ST3GAL3: variants seen among roughly 807,000 people sequenced by gnomAD.
ST3GAL3 encodes CMP-N-acetylneuraminate-beta-1,4-galactoside alpha-2,3-sialyltransferase.
A neutral mutation model predicts 50.1 loss-of-function variants in ST3GAL3; 21 were observed. The observed-to-expected ratio is 0.42, with a 90% CI of 0.30 to 0.60. The LOEUF is 0.60. Ranked by LOEUF, ST3GAL3 falls within the 20% of genes least tolerant of loss-of-function variation. The pLI, the probability that ST3GAL3 is intolerant of heterozygous loss-of-function variation, is 0.19. For synonymous variants in ST3GAL3, 183 were observed against 190.0 expected, an observed-to-expected ratio of 0.96 and a Z score of 0.30; for missense variants, 353 against 489.4, an observed-to-expected ratio of 0.72 and a Z score of 2.63.
At chr1:43,892,864 T>C (rs993571747) in intron 5 of ST3GAL3, among the ~76,000 whole-genome samples, 42 of 152,352 alleles carry the variant, frequency 2.8e-4, no homozygotes, top group African/African-American at 1.0e-3. Context: ...TGCTTTGATA[T>C]TACACATAGA....
chr1:43,716,622 A>G (rs760263157), intron 1 of ST3GAL3: 57 of 152,194 alleles, frequency 3.7e-4, no homozygotes, highest in Admixed American at 1.3e-4. Flanking sequence ...CATGAACCGT[A>G]CTACATTAGG....
chr1:43,835,998 A>T (rs1466186200), intron 4 of ST3GAL3, among the ~76,000 whole-genome samples: 1 of 152,136 alleles, frequency 6.6e-6, no homozygotes, highest in Non-Finnish European at 1.5e-5. Context: ...CCCTGTTAAG[A>T]GTTCCTCCAC....
In ST3GAL3 at chr1:43,899,426, G is replaced by C; in HGVS notation, c.558-115G>C. ...GAACAGACAACTAGCGGGGGCACCTGGGGAGAATAGGTCCAGGTGACCTGG... is the reference window on the plus strand; with the variant it reads ...GAACAGACAACTAGCGGGGGCACCTCGGGAGAATAGGTCCAGGTGACCTGG... On this transcript the variant is annotated intron_variant, in intron 8 of 11. Coordinates refer to ENST00000347631, the MANE Select transcript of ST3GAL3 (RefSeq NM_006279.5). This position sits in a 1 kb window ranked among gnomAD's most constrained non-coding sequence, Gnocchi z 5.4. 1.3e-6 allele frequency: 2 copies of C among 1,572,448 alleles called. No individual in the cohort carries two copies. The highest frequency in any genetic ancestry group is 1.7e-6 in the Non-Finnish European group (2 of 1,157,042).
intron 2 of ST3GAL3, among the ~76,000 whole-genome samples, chr1:43,775,701 T>G (rs1402771772): frequency 6.6e-6 from 1 of 152,120 alleles, no homozygotes; most frequent in African/African-American, 2.4e-5. Context: ...ATTCAAAGAT[T>G]AAGGAAGTTC....
At chr1:43,897,776 G>T (rs922585742) in intron 6 of ST3GAL3, among the ~76,000 whole-genome samples, 1 of 152,248 alleles carries the variant, frequency 6.6e-6, no homozygotes, top group African/African-American at 2.4e-5. Context: ...GAGCTCTTCA[G>T]TTGCTGGGTG....
At chr1:43,774,825 T>G (rs1696568497) in intron 2 of ST3GAL3, among the ~76,000 whole-genome samples, 1 of 152,174 alleles carries the variant, frequency 6.6e-6, no homozygotes, top group Admixed American at 6.5e-5. Context: ...TCAGGTACTG[T>G]GCCAAGTGAA....
chr1:43,927,891 G>A (rs1383030397), intron 11 of ST3GAL3, among the ~76,000 whole-genome samples: 2 of 152,190 alleles, frequency 1.3e-5, no homozygotes, highest in African/African-American at 4.8e-5. Flanking sequence ...TGTGGAGTGT[G>A]GAATGTGAGG....
chr1:43,799,157 C>T (rs2059039826), intron 3 of ST3GAL3, among the ~76,000 whole-genome samples: 1 of 152,174 alleles, frequency 6.6e-6, no homozygotes. Flanking sequence ...GGAAAATAGT[C>T]ACCAAAATAT....
At chr1:43,808,003 A>T (rs2060099725) in intron 3 of ST3GAL3, among the ~76,000 whole-genome samples, 1 of 152,072 alleles carries the variant, frequency 6.6e-6, no homozygotes, top group Non-Finnish European at 1.5e-5. Context: ...AAGCAGCTGG[A>T]TATACACATG....
At chr1:43,755,875 G>A (rs1572200358) in intron 2 of ST3GAL3, among the ~76,000 whole-genome samples, 1 of 151,962 alleles carries the variant, frequency 6.6e-6, no homozygotes, top group Admixed American at 6.6e-5. Flanking sequence ...AAGTTGGGAG[G>A]ATCACTTCTA....
chr1:43,717,721 T>C (rs1234302378), intron 1 of ST3GAL3, among the ~76,000 whole-genome samples: 1 of 152,032 alleles, frequency 6.6e-6, no homozygotes, highest in Admixed American at 6.6e-5. Context: ...TTGCCCAGGC[T>C]GGTCTCAAAC....
chr1:43,813,177 C>G (rs912465976), intron 3 of ST3GAL3, among the ~76,000 whole-genome samples: 21 of 152,244 alleles, frequency 1.4e-4, no homozygotes, highest in African/African-American at 4.3e-4. Context: ...AGGAATCCGC[C>G]TAAGTATGGA....
chr1:43,764,563 A>C (rs1386784960), intron 2 of ST3GAL3, among the ~76,000 whole-genome samples: 1 of 152,198 alleles, frequency 6.6e-6, no homozygotes, highest in Non-Finnish European at 1.5e-5. Context: ...ATGAGGAAGA[A>C]GGGAAAAGAA....
chr1:43,751,595 A>G (rs1194193487), intron 2 of ST3GAL3, among the ~76,000 whole-genome samples: 1 of 152,234 alleles, frequency 6.6e-6, no homozygotes, highest in Non-Finnish European at 1.5e-5. Context: ...TTTCACTTAC[A>G]TACACACAGA....
intron 1 of ST3GAL3, among the ~76,000 whole-genome samples, chr1:43,726,670 C>G (rs991517920): frequency 6.6e-6 from 1 of 152,256 alleles, no homozygotes; most frequent in Non-Finnish European, 1.5e-5. Context: ...TCTTGGCTCA[C>G]TGCAGCCTCC....
At chr1:43,886,890 C>T (rs755891422) in intron 5 of ST3GAL3, among the ~76,000 whole-genome samples, 5 of 152,054 alleles carry the variant, frequency 3.3e-5, no homozygotes, top group Non-Finnish European at 7.3e-5. Flanking sequence ...GAGACCTGAG[C>T]CTTATTGTGT....
chr1:43,751,489 A>AGATACTCTGCCATTTGACAGATCTC (rs1686051901), intron 2 of ST3GAL3, among the ~76,000 whole-genome samples: 1 of 152,242 alleles, frequency 6.6e-6, no homozygotes, highest in Non-Finnish European at 1.5e-5. Flanking sequence ...AAATAATGGC[A>AGATACTCTGCCATTTGACAGATCTC]TGTCCATTTG....
intron 2 of ST3GAL3, among the ~76,000 whole-genome samples, chr1:43,788,266 C>G (rs546762409): frequency 4.6e-4 from 70 of 152,224 alleles, no homozygotes; most frequent in Admixed American, 9.8e-4. Context: ...TTAAAAGAGA[C>G]TTTATATCAG....
chr1:43,711,513 A>G (rs9803832), intron 1 of ST3GAL3, among the ~76,000 whole-genome samples: 509 of 152,372 alleles, frequency 3.3e-3, no homozygotes, highest in African/African-American at 0.011. Context: ...ACTAATGACT[A>G]CTACCTCATC....
Sources: allele counts gnomAD v4.1 joint callset (sites outside exome capture counted in the v4.1 genomes callset), GRCh38; gene constraint gnomAD v4.1.1; non-coding constraint Gnocchi (gnomAD v3.1); transcripts MANE v1.5; gene names NCBI Gene and HGNC (gene_info 2026-07-23, HGNC 2026-07-21).